Variants in GNB1 observed in about 807,000 individuals in gnomAD.
GNB1 encodes the protein guanine nucleotide-binding protein G(I)/G(S)/G(T) subunit beta-1.
In GNB1, 2 loss-of-function variants were observed where a neutral mutation model predicts 42.9. That is an observed-to-expected ratio of 0.05 (90% confidence interval 0.02 to 0.15). GNB1 has a LOEUF of 0.15. Ranked by LOEUF, GNB1 falls within the 10% of genes least tolerant of loss-of-function variation. The pLI, the probability that GNB1 is intolerant of heterozygous loss-of-function variation, is 1.00. For missense variants in GNB1, 193 were observed against 462.2 expected (o/e 0.42, Z 5.34); for synonymous variants, 183 against 174.7 (o/e 1.05, Z -0.38).
intron 2 of GNB1, among the ~76,000 whole-genome samples, chr1:1,829,078 C>T (rs192465418): frequency 5.3e-5 from 8 of 152,096 alleles, no homozygotes; most frequent in African/African-American, 9.6e-5. Flanking sequence ...TTTTTTGAGA[C>T]GGAGTTTCAC....
chr1:1,855,332 A>G lies in GNB1; in HGVS notation c.-95-16094T>C, dbSNP rs550922684. Among the ~76,000 whole-genome samples the G allele has an allele frequency of 1.1e-3, 160 of 151,150 alleles. 1 individual carries two copies. Among genetic ancestry groups the G allele is most frequent in the African/African-American group, 3.7e-3 (151 of 41,214 alleles). ...GCAAGACACTGTGTCAAAAAAAAAA[A>G]AAAAGAAAAGAAAAGAAGAAAAAAG... On this transcript the variant is annotated intron_variant, in intron 1 of 11. Coordinates refer to ENST00000378609, the MANE Select transcript of GNB1 (RefSeq NM_002074.5).
At position 1,806,465 on chromosome 1, in the gene GNB1, C is replaced by G. The variant is rs761135568; in HGVS notation, c.267+10G>C. 1 of 1,563,360 alleles carries G rather than the reference C, an allele frequency of 6.4e-7. No individual in the cohort carries two copies. Among genetic ancestry groups the G allele is most frequent in the South Asian group, 1.1e-5 (1 of 89,902 alleles). The stretch of plus-strand genomic sequence containing the variant: ...TGGTTTTTCAAGGAAGGGAATCCTC[C>G]AGTCCCTACCTTGTTGGTGGTGTAG... On this transcript the variant is annotated intron_variant, in intron 6 of 11. Transcript: ENST00000378609.
chr1:1,823,334 C>A (rs1022859455), intron 3 of GNB1, among the ~76,000 whole-genome samples: 2 of 151,522 alleles, frequency 1.3e-5, no homozygotes, highest in Non-Finnish European at 2.9e-5. Context: ...TGTTCTGAAC[C>A]CCCCCAAAAA....
At chr1:1,881,454 C>T (rs958302418) in intron 1 of GNB1, among the ~76,000 whole-genome samples, 10 of 151,468 alleles carry the variant, frequency 6.6e-5, no homozygotes, top group African/African-American at 2.4e-4. Flanking sequence ...CACACTGTCA[C>T]CCAGGCTAGG....
At chr1:1,819,650 C>A (rs1170257964) in intron 3 of GNB1, among the ~76,000 whole-genome samples, 1 of 152,014 alleles carries the variant, frequency 6.6e-6, no homozygotes, top group African/African-American at 2.4e-5. Flanking sequence ...GTGACCCTCC[C>A]ACGTCAGCCT....
At chr1:1,886,289 G>A (rs886705900) in intron 1 of GNB1, among the ~76,000 whole-genome samples, 2 of 152,156 alleles carry the variant, frequency 1.3e-5, no homozygotes, top group Non-Finnish European at 2.9e-5. Context: ...CTGCACTCCA[G>A]ACTGGGTGGC....
intron 1 of GNB1, among the ~76,000 whole-genome samples, chr1:1,846,717 C>A (rs1162387852): frequency 6.6e-6 from 1 of 152,098 alleles, no homozygotes; most frequent in Non-Finnish European, 1.5e-5. Flanking sequence ...CCACACTGCA[C>A]GTGACTAAAT....
Position 1,787,097 on chromosome 1 carries a change from A to C in GNB1, c.*10-44T>G. ...AAAGAAATGTGAAAAGAGGCAGAGA[A>C]TCTAAGTGCAGACGCACAGCCAGGT... is the stretch of plus-strand genomic sequence containing the variant. On this transcript the variant is annotated intron_variant, in intron 11 of 11. Transcript: ENST00000378609. This position sits in a 1 kb window ranked among gnomAD's most constrained non-coding sequence, Gnocchi z 4.4. 2.4e-6 allele frequency: 1 copy of C among 408,438 alleles called. No homozygotes were observed. The highest frequency in any genetic ancestry group is 4.5e-6 in the Non-Finnish European group (1 of 224,164). 25.3% of individuals were successfully genotyped at this position (408,438 alleles called of 1,614,324 possible).
At chr1:1,861,539 T>C (rs952101003) in intron 1 of GNB1, among the ~76,000 whole-genome samples, 2 of 151,814 alleles carry the variant, frequency 1.3e-5, no homozygotes, top group African/African-American at 4.8e-5. Flanking sequence ...GGAAGCAGGA[T>C]TGGCAAGCAG....
chr1:1,789,855 G>A (rs1557880204), intron 9 of GNB1, among the ~76,000 whole-genome samples: 2 of 152,182 alleles, frequency 1.3e-5, no homozygotes. Context: ...TGAGAAAGTA[G>A]TCATCACTGA....
At chr1:1,857,233 G>A (rs369053246) in intron 1 of GNB1, among the ~76,000 whole-genome samples, 1 of 150,298 alleles carries the variant, frequency 6.7e-6, no homozygotes, top group Non-Finnish European at 1.5e-5. Flanking sequence ...AATATGAGAG[G>A]TCCCAAGGAA....
rs557454486 is a variant in GNB1, at chr1:1,886,183, C to T, written c.-96+4637G>A. The stretch of plus-strand genomic sequence containing the variant: ...ATTTTAAAAAATTATCCGGGCATGA[C>T]GGCGGGTGCCTGTAATCCCAGCTAC... On this transcript the variant is annotated intron_variant, in intron 1 of 11. Transcript: ENST00000378609. Among the ~76,000 whole-genome samples, 4 of 152,020 alleles carry T rather than the reference C, an allele frequency of 2.6e-5. No individual in the cohort carries two copies. In the South Asian group the frequency reaches 6.2e-4, roughly 24 times the overall value.
At chr1:1,862,538 T>C (rs1648690823) in intron 1 of GNB1, among the ~76,000 whole-genome samples, 1 of 151,958 alleles carries the variant, frequency 6.6e-6, no homozygotes, top group Non-Finnish European at 1.5e-5. Context: ...TACGGCTCAC[T>C]GCAGACTTGA....
At chr1:1,853,598 A>G (rs1458312232) in intron 1 of GNB1, among the ~76,000 whole-genome samples, 5 of 152,228 alleles carry the variant, frequency 3.3e-5, no homozygotes, top group Non-Finnish European at 5.9e-5. Context: ...TTTCCTGCAA[A>G]ACCCACAAAA....
At chr1:1,888,222 G>T (rs1422050393) in intron 1 of GNB1, among the ~76,000 whole-genome samples, 2 of 152,084 alleles carry the variant, frequency 1.3e-5, no homozygotes, top group African/African-American at 4.8e-5. Context: ...TTTCATGTTG[G>T]AACAGTTTCC....
chr1:1,861,254 G>T (rs1394954976), intron 1 of GNB1, among the ~76,000 whole-genome samples: 1 of 152,006 alleles, frequency 6.6e-6, no homozygotes, highest in Non-Finnish European at 1.5e-5. Flanking sequence ...GCCAGGACTT[G>T]GAGCCCAGTC....
chr1:1,817,263 TCTGA>T (rs1646870963), intron 4 of GNB1, among the ~76,000 whole-genome samples: 2 of 152,232 alleles, frequency 1.3e-5, no homozygotes, highest in South Asian at 4.1e-4. Context: ...CGTTGCAGCC[TCTGA>T]CTGTACTGAC....
At chr1:1,854,924 T>C (rs1393297634) in intron 1 of GNB1, among the ~76,000 whole-genome samples, 3 of 150,218 alleles carry the variant, frequency 2.0e-5, no homozygotes, top group Non-Finnish European at 4.5e-5. Flanking sequence ...ACTTTGGGAG[T>C]CCAAGGCAGG....
chr1:1,867,955 T>C (rs1223793601), intron 1 of GNB1, among the ~76,000 whole-genome samples: 2 of 152,184 alleles, frequency 1.3e-5, no homozygotes, highest in African/African-American at 4.8e-5. Flanking sequence ...CACTTACCTA[T>C]AATACTTATA....
Sources: allele counts gnomAD v4.1 joint callset (sites outside exome capture counted in the v4.1 genomes callset), GRCh38; gene constraint gnomAD v4.1.1; non-coding constraint Gnocchi (gnomAD v3.1); transcripts MANE v1.5; gene names NCBI Gene and HGNC (gene_info 2026-07-23, HGNC 2026-07-21).